Variants in RGS6 observed in about 807,000 individuals in gnomAD.
RGS6 encodes the protein regulator of G protein signaling 6.
Under a neutral mutation model 78.5 loss-of-function variants are expected in RGS6, and 30 were observed. That is an observed-to-expected ratio of 0.38 (90% confidence interval 0.29 to 0.52). The LOEUF (loss-of-function observed/expected upper bound fraction) is 0.52. Ranked by LOEUF, RGS6 falls within the 20% of genes least tolerant of loss-of-function variation. The probability of loss-of-function intolerance (pLI) is 0.85; values close to 1 mark genes in which losing one functional copy is unlikely to be tolerated. For synonymous variants in RGS6, 206 were observed against 206.0 expected (o/e 1.00, Z 0.00); for missense variants, 495 against 609.7 (o/e 0.81, Z 1.98).
chr14:72,019,494 A>T (rs1364539096), intron 2 of RGS6, among the ~76,000 whole-genome samples: 1 of 152,190 alleles, frequency 6.6e-6, no homozygotes. Flanking sequence ...TGGGTGCACC[A>T]TTAGCACTTC....
chr14:72,163,800 T>C (rs555542171), intron 2 of RGS6, among the ~76,000 whole-genome samples: 39 of 151,754 alleles, frequency 2.6e-4, no homozygotes, highest in African/African-American at 9.4e-4. Flanking sequence ...GGAGAATCAC[T>C]TGAATCTGGG....
At chr14:72,381,297 T>TTGAATGTTTTCAACACAAAAAAAGA (rs2086031190) in intron 3 of RGS6, among the ~76,000 whole-genome samples, 1 of 152,056 alleles carries the variant, frequency 6.6e-6, no homozygotes, top group Non-Finnish European at 1.5e-5. Flanking sequence ...ATGGAGAATA[T>TTGAATGTTTTCAACACAAAAAAAGA]TGAATGTTTT....
At chr14:72,442,133 CTCTGGTGTCTGGCAGAGAG>C (rs569242413) in intron 3 of RGS6, among the ~76,000 whole-genome samples, 182 of 152,194 alleles carry the variant, frequency 1.2e-3, no homozygotes, top group Middle Eastern at 3.4e-3. Flanking sequence ...ATGCTTGAAT[CTCTGGTGTCTGGCAGAGAG>C]TCTGGTGTCT....
intron 1 of RGS6, among the ~76,000 whole-genome samples, chr14:71,960,545 A>G (rs1015616323): frequency 2.5e-4 from 38 of 152,210 alleles, no homozygotes; most frequent in South Asian, 1.0e-3. Flanking sequence ...TCTAGGTGCC[A>G]GGGAGAGAGG....
At chr14:72,292,588 C>G (rs1298557800) in intron 2 of RGS6, among the ~76,000 whole-genome samples, 1 of 152,202 alleles carries the variant, frequency 6.6e-6, no homozygotes, top group Non-Finnish European at 1.5e-5. Context: ...TAACAATGCC[C>G]TCTACTGGGT....
chr14:72,500,255 A>G (rs2096705889), intron 13 of RGS6, among the ~76,000 whole-genome samples: 1 of 152,192 alleles, frequency 6.6e-6, no homozygotes, highest in South Asian at 2.1e-4. Flanking sequence ...CTAATCTAGG[A>G]TAGCTACAGT....
chr14:72,602,836 G>A, the RGS6 span, among the ~76,000 whole-genome samples: 4 of 152,250 alleles, frequency 2.6e-5, no homozygotes, highest in Admixed American at 2.6e-4. Context: ...CAGAAGCTGC[G>A]TTCCATTCCC....
chr14:72,058,034 T>C (rs561930885), intron 2 of RGS6, among the ~76,000 whole-genome samples: 4 of 152,082 alleles, frequency 2.6e-5, no homozygotes, highest in Non-Finnish European at 5.9e-5. Flanking sequence ...TTGCTTATCC[T>C]GCTATGTGAT....
intron 2 of RGS6, among the ~76,000 whole-genome samples, chr14:72,181,877 C>T (rs973610040): frequency 1.3e-5 from 2 of 152,138 alleles, no homozygotes; most frequent in Non-Finnish European, 2.9e-5. Context: ...GTCCTTCTTA[C>T]ACAAATATGC....
At chr14:72,058,507 GT>G (rs756553187) in intron 2 of RGS6, among the ~76,000 whole-genome samples, 2,985 of 144,588 alleles carry the variant, frequency 0.021, 35 homozygotes, top group African/African-American at 0.027. Flanking sequence ...TATATAAAGG[GT>G]TTTTTTTTTT....
At chr14:72,104,687 T>A (rs1418980711) in intron 2 of RGS6, among the ~76,000 whole-genome samples, 2 of 152,220 alleles carry the variant, frequency 1.3e-5, no homozygotes. Context: ...TATTATCAAG[T>A]TGATTATAAA....
chr14:72,431,525 A>ATTTTATTTTAT (rs1555397021), intron 3 of RGS6, among the ~76,000 whole-genome samples: 1 of 147,526 alleles, frequency 6.8e-6, no homozygotes, highest in African/African-American at 2.5e-5. Flanking sequence ...ATTTTGTTTT[A>ATTTTATTTTAT]TTTATTTTAT....
chr14:72,317,785 A>G (rs2070735852), intron 2 of RGS6, among the ~76,000 whole-genome samples: 5 of 152,156 alleles, frequency 3.3e-5, no homozygotes, highest in Admixed American at 3.3e-4. Context: ...TCATTGTATT[A>G]GTCAGGGTTC....
the RGS6 span, among the ~76,000 whole-genome samples, chr14:72,588,925 G>A: frequency 1.3e-5 from 2 of 152,110 alleles, no homozygotes; most frequent in Admixed American, 6.5e-5. Context: ...CCCTCTCTCT[G>A]ATTGGCTGCC....
intron 2 of RGS6, among the ~76,000 whole-genome samples, chr14:72,180,994 GCT>G (rs771454649): frequency 6.6e-6 from 1 of 152,126 alleles, no homozygotes. Context: ...GTGTAAGAAA[GCT>G]CTTATATTAT....
At chr14:71,936,008 C>A (rs374342781) in intron 1 of RGS6, among the ~76,000 whole-genome samples, 822 of 14,904 alleles carry the variant, frequency 0.055, 7 homozygotes, top group Non-Finnish European at 0.13. Flanking sequence ...AGGGACAGAA[C>A]TAATAGGATA....
chr14:72,066,440 T>C (rs930565432), intron 2 of RGS6, among the ~76,000 whole-genome samples: 3 of 152,006 alleles, frequency 2.0e-5, no homozygotes, highest in Admixed American at 6.6e-5. Flanking sequence ...GATAATAGAA[T>C]TGTAACTGGA....
chr14:72,343,088 T>C (rs1320741458), intron 2 of RGS6, among the ~76,000 whole-genome samples: 1 of 152,228 alleles, frequency 6.6e-6, no homozygotes, highest in Non-Finnish European at 1.5e-5. Flanking sequence ...ACTGTGTGTA[T>C]TCGTTTTCTA....
chr14:71,974,950 G>T (rs911372878), intron 2 of RGS6, among the ~76,000 whole-genome samples: 1 of 151,978 alleles, frequency 6.6e-6, no homozygotes, highest in Admixed American at 6.6e-5. Context: ...GGCCAGTCTG[G>T]GTAACATAGG....
Sources: gnomAD v4.1 joint callset for allele counts (sites outside exome capture counted in the v4.1 genomes callset) on GRCh38, gnomAD v4.1.1 for gene constraint, MANE v1.5 for transcripts, NCBI Gene and HGNC (gene_info 2026-07-23, HGNC 2026-07-21) for gene names.